The following LRBA variants were observed in gnomAD, a reference collection of about 807,000 sequenced individuals.
LRBA encodes LPS responsive beige-like anchor protein, also known as lipopolysaccharide-responsive and beige-like anchor protein.
Under a neutral mutation model 330.0 loss-of-function variants are expected in LRBA, and 176 were observed. The ratio of observed to expected loss-of-function variants is 0.53; its 90% CI spans 0.47 to 0.60. The LOEUF is 0.60. Among genes scored for constraint, LRBA ranks in the 20% least tolerant of loss-of-function variants. LRBA has a pLI of 0.00. For synonymous variants in LRBA, 1,230 were observed against 1,193.0 expected (o/e 1.03, Z -0.64); for missense variants, 3,259 against 3,444.8 (o/e 0.95, Z 1.35).
intron 37 of LRBA, among the ~76,000 whole-genome samples, chr4:150,618,235 C>A (rs961013549): frequency 3.3e-5 from 5 of 152,124 alleles, no homozygotes; most frequent in Admixed American, 6.6e-5. Flanking sequence ...CTGCTTCATT[C>A]ATTTAGTTAT....
At chr4:150,984,072 T>C (rs1741161886) in intron 2 of LRBA, among the ~76,000 whole-genome samples, 1 of 152,202 alleles carries the variant, frequency 6.6e-6, no homozygotes, top group Admixed American at 6.5e-5. Context: ...GGCAGTTAGT[T>C]CAAATCTTTC....
intron 39 of LRBA, among the ~76,000 whole-genome samples, chr4:150,590,223 A>T (rs772064596): frequency 1.3e-5 from 2 of 152,202 alleles, no homozygotes; most frequent in Non-Finnish European, 1.5e-5. Context: ...AAATTCCTAC[A>T]TCAGGCAAAA....
chr4:150,989,877 A>C (rs1328800259), intron 2 of LRBA, among the ~76,000 whole-genome samples: 1 of 152,034 alleles, frequency 6.6e-6, no homozygotes, highest in Non-Finnish European at 1.5e-5. Flanking sequence ...TAATCACAGA[A>C]CTTTGGAAGG....
chr4:150,630,305 G>C (rs6818709), intron 37 of LRBA, among the ~76,000 whole-genome samples: 128,586 of 152,188 alleles, frequency 0.84, 56,145 homozygotes, highest in Non-Finnish European at 0.95. Context: ...CTAAAAAGAT[G>C]TGTTGACATC....
At chr4:150,434,819 T>C (rs1328438297) in intron 46 of LRBA, among the ~76,000 whole-genome samples, 1 of 151,292 alleles carries the variant, frequency 6.6e-6, no homozygotes, top group Non-Finnish European at 1.5e-5. Context: ...ATTGTGCCAC[T>C]GCACCTCTAG....
chr4:150,960,597 G>A (rs1386270899), intron 2 of LRBA, among the ~76,000 whole-genome samples: 2 of 149,178 alleles, frequency 1.3e-5, no homozygotes, highest in African/African-American at 5.2e-5. Context: ...AGTCAAGATA[G>A]AGGTTCCATT....
intron 47 of LRBA, among the ~76,000 whole-genome samples, chr4:150,370,562 G>A (rs1314020593): frequency 6.6e-6 from 1 of 152,120 alleles, no homozygotes; most frequent in African/African-American, 2.4e-5. Context: ...TGGAGCATAA[G>A]GAATTTTTAG....
At chr4:150,689,747 G>A (rs1369540709) in intron 36 of LRBA, among the ~76,000 whole-genome samples, 1 of 152,040 alleles carries the variant, frequency 6.6e-6, no homozygotes, top group Non-Finnish European at 1.5e-5. Flanking sequence ...GCAACATGGT[G>A]AAACCCCATA....
chr4:150,479,868 G>A (rs1282722415), intron 42 of LRBA, among the ~76,000 whole-genome samples: 1 of 152,174 alleles, frequency 6.6e-6, no homozygotes, highest in Admixed American at 6.5e-5. Context: ...GAGCACATGA[G>A]AGATTCCTTT....
At position 150,271,902 on chromosome 4, in the gene LRBA, C is replaced by T. The variant is rs531954784; in HGVS notation, c.8468+5951G>A. On this transcript the variant is annotated intron_variant, in intron 56 of 56. Coordinates refer to ENST00000651943, the MANE Select transcript of LRBA (RefSeq NM_001364905.1). ...AAACCCCCATCTCCCTGGGACAGAG[C>T]ACCTGGGGGAAGGGGCAGCTGTGGG... Among the ~76,000 whole-genome samples the T allele has an allele frequency of 1.8e-3, 273 of 152,302 alleles. 3 individuals carry two copies. Among genetic ancestry groups the T allele is most frequent in the African/African-American group, 6.3e-3 (260 of 41,570 alleles).
intron 36 of LRBA, among the ~76,000 whole-genome samples, chr4:150,690,375 C>G (rs576185833): frequency 6.6e-6 from 1 of 151,768 alleles, no homozygotes; most frequent in African/African-American, 2.4e-5. Context: ...TGGTGGCACA[C>G]GCCTGTAATC....
chr4:150,367,116 ATAAC>A (rs958462844), intron 47 of LRBA, among the ~76,000 whole-genome samples: 1 of 152,244 alleles, frequency 6.6e-6, no homozygotes, highest in Non-Finnish European at 1.5e-5. Context: ...TATTTATAGA[ATAAC>A]TAGATATTAA....
intron 47 of LRBA, among the ~76,000 whole-genome samples, chr4:150,373,129 G>A (rs1465254464): frequency 1.1e-3 from 21 of 18,978 alleles, no homozygotes; most frequent in African/African-American, 2.2e-3. Context: ...AATCTCGTGT[G>A]TGTGTGTGTG....
chr4:150,920,699 T>A (rs1420285152), intron 5 of LRBA, among the ~76,000 whole-genome samples: 1 of 152,184 alleles, frequency 6.6e-6, no homozygotes, highest in Non-Finnish European at 1.5e-5. Flanking sequence ...TTATACATAA[T>A]TGTCTTATGT....
At chr4:150,869,054 G>T (rs1159838244) in intron 20 of LRBA, among the ~76,000 whole-genome samples, 1 of 152,084 alleles carries the variant, frequency 6.6e-6, no homozygotes, top group African/African-American at 2.4e-5. Context: ...TTTCATAGCT[G>T]GGATTATAGG....
In LRBA at chr4:150,908,462, T is replaced by C. The variant is rs1384041428; in HGVS notation, c.1365A>G (p.Val455=). 1.3e-6 allele frequency: 2 copies of C among 1,589,186 alleles called. No individual in the cohort carries two copies. The highest frequency in any genetic ancestry group is 8.5e-7 in the Non-Finnish European group (1 of 1,172,828). ...GGATGGAATGTGTTAAAACTGCCTT[T>C]ACATCCTTGTAAGATCAAAAACACA... ...HSPHALMLQD[V]KAVLTHSIQS... The change falls in exon 11 of 57, where the codon GTA becomes GTG. Residue 455 remains valine, a synonymous_variant. Coordinates refer to ENST00000651943, the MANE Select transcript of LRBA (RefSeq NM_001364905.1).
chr4:150,559,837 AAT>A (rs367754407), intron 40 of LRBA, among the ~76,000 whole-genome samples: 38,074 of 84,442 alleles, frequency 0.45, 8,922 homozygotes, highest in Admixed American at 0.53. Context: ...TATAAAATAT[AAT>A]ATATATAATA....
chr4:150,774,927 T>C (rs893957282), intron 34 of LRBA, among the ~76,000 whole-genome samples: 2 of 152,206 alleles, frequency 1.3e-5, no homozygotes, highest in African/African-American at 4.8e-5. Flanking sequence ...ATAGGCATAC[T>C]ATCTACTTCT....
intron 51 of LRBA, chr4:150,311,189 A>T (rs982070634): frequency 6.6e-6 from 1 of 152,140 alleles, no homozygotes. Flanking sequence ...CAGAAACGGA[A>T]TCTTCACTGA....
Sources: allele counts gnomAD v4.1 joint callset (sites outside exome capture counted in the v4.1 genomes callset), GRCh38; gene constraint gnomAD v4.1.1; transcripts MANE v1.5; gene names NCBI Gene and HGNC (gene_info 2026-07-23, HGNC 2026-07-21).